Variants in B4GALNT3 observed in about 807,000 individuals in gnomAD.
The protein encoded by B4GALNT3 is beta-1,4-N-acetyl-galactosaminyltransferase 3, also known as beta-1,4-N-acetylgalactosaminyltransferase 3.
A neutral mutation model predicts 120.2 loss-of-function variants in B4GALNT3; 86 were observed. The ratio of observed to expected loss-of-function variants is 0.72; its 90% CI spans 0.60 to 0.86. The LOEUF (loss-of-function observed/expected upper bound fraction) is 0.86, where lower values mean the gene tolerates loss of function less well. B4GALNT3 is among the 40% of genes least tolerant of loss of function. The pLI is 0.00. For synonymous variants in B4GALNT3, 518 were observed against 510.4 expected, an observed-to-expected ratio of 1.01 and a Z score of -0.20; for missense variants, 1,167 against 1,298.9, an observed-to-expected ratio of 0.90 and a Z score of 1.56.
At chr12:497,637 G>T (rs146612188) in intron 1 of B4GALNT3, among the ~76,000 whole-genome samples, 13 of 152,260 alleles carry the variant, frequency 8.5e-5, no homozygotes, top group African/African-American at 3.1e-4. Flanking sequence ...ACCCAGGAGC[G>T]GAATTCCTGG....
At chr12:477,354 T>C (rs1009658894) in intron 1 of B4GALNT3, among the ~76,000 whole-genome samples, 1 of 152,334 alleles carries the variant, frequency 6.6e-6, no homozygotes. Flanking sequence ...GCTGAAGTTA[T>C]TGCCACTCAG....
intron 3 of B4GALNT3, among the ~76,000 whole-genome samples, chr12:541,313 G>A (rs1946912847): frequency 6.6e-6 from 1 of 152,222 alleles, no homozygotes; most frequent in African/African-American, 2.4e-5. Flanking sequence ...CCCTTAAAAT[G>A]AGAGGGTTCC....
intron 1 of B4GALNT3, among the ~76,000 whole-genome samples, chr12:492,614 A>G (rs1484924215): frequency 6.6e-6 from 1 of 152,218 alleles, no homozygotes; most frequent in Non-Finnish European, 1.5e-5. Context: ...TGGCAAACTG[A>G]TTCTAAAATT....
chr12:481,202 T>C (rs1946239081), intron 1 of B4GALNT3, among the ~76,000 whole-genome samples: 1 of 152,198 alleles, frequency 6.6e-6, no homozygotes, highest in Non-Finnish European at 1.5e-5. Flanking sequence ...GGTGGGACTC[T>C]GGATGCTTCC....
At chr12:478,467 G>T (rs1946206042) in intron 1 of B4GALNT3, among the ~76,000 whole-genome samples, 1 of 152,118 alleles carries the variant, frequency 6.6e-6, no homozygotes, top group South Asian at 2.1e-4. Flanking sequence ...TGAAGCAAGA[G>T]CTATCAAATT....
intron 1 of B4GALNT3, among the ~76,000 whole-genome samples, chr12:488,771 G>A (rs1946313867): frequency 6.6e-6 from 1 of 152,030 alleles, no homozygotes; most frequent in Admixed American, 6.6e-5. Flanking sequence ...AGTGAGCTAT[G>A]ATTGCACCTC....
chr12:546,712 A>AG lies in B4GALNT3; in HGVS notation c.707+1dup. The AG allele has an allele frequency of 6.4e-7, 1 of 1,551,130 alleles. No homozygotes were observed. Among genetic ancestry groups the AG allele is most frequent in the Non-Finnish European group, 8.7e-7 (1 of 1,146,754 alleles). ...TCGGAGCCAAATTTCCAAGCCGGTG[A>AG]GGTGAGTGAGGGTCAGGACAGGCGC... On this transcript the variant is annotated frameshift_variant and splice_region_variant, in exon 7 of 20. Coordinates refer to ENST00000266383, the MANE Select transcript of B4GALNT3 (RefSeq NM_173593.4). LOFTEE classifies it high-confidence loss of function.
chr12:511,301 C>CCTTCCCCCTTCTTCCACCTTCGAG (rs1946549887), intron 1 of B4GALNT3, among the ~76,000 whole-genome samples: 1 of 90,794 alleles, frequency 1.1e-5, no homozygotes, highest in Admixed American at 1.1e-4. Context: ...CGACCTTCCA[C>CCTTCCCCCTTCTTCCACCTTCGAG]CTTCCACCTT....
chr12:546,591 G>T (rs1316208521), intron 6 of B4GALNT3, 55 bp from the exon 7 acceptor site: 5 of 1,486,418 alleles, frequency 3.4e-6, no homozygotes, highest in Non-Finnish European at 4.6e-6. Context: ...TCACCGCCTC[G>T]CGTGCTTCCT....
At chr12:491,060 G>T (rs1946335529) in intron 1 of B4GALNT3, among the ~76,000 whole-genome samples, 1 of 152,088 alleles carries the variant, frequency 6.6e-6, no homozygotes, top group Admixed American at 6.5e-5. Flanking sequence ...ACCAGACCCA[G>T]ACAAAGACCT....
chr12:526,576 G>C (rs971774801), intron 1 of B4GALNT3, among the ~76,000 whole-genome samples: 1 of 152,170 alleles, frequency 6.6e-6, no homozygotes, highest in African/African-American at 2.4e-5. Flanking sequence ...ATTGTATCAA[G>C]GGTCTTAAGT....
intron 1 of B4GALNT3, among the ~76,000 whole-genome samples, chr12:496,026 G>A (rs1267338617): frequency 6.6e-6 from 1 of 152,118 alleles, no homozygotes; most frequent in African/African-American, 2.4e-5. Flanking sequence ...ACACTTTCTT[G>A]AGGGGTACAT....
intron 1 of B4GALNT3, among the ~76,000 whole-genome samples, chr12:480,162 G>A (rs894220369): frequency 6.0e-5 from 9 of 149,740 alleles, no homozygotes; most frequent in African/African-American, 1.7e-4. Flanking sequence ...TGATCCGCCC[G>A]CCTCGGCCTC....
chr12:524,648 AAAAAAAG>A (rs1272807054), intron 1 of B4GALNT3, among the ~76,000 whole-genome samples: 3 of 128,688 alleles, frequency 2.3e-5, no homozygotes, highest in Non-Finnish European at 4.7e-5. Context: ...TTAAAAAAAA[AAAAAAAG>A]AAAAAAGAAA....
At chr12:547,140 C>G (rs1439948717) in intron 7 of B4GALNT3, among the ~76,000 whole-genome samples, 1 of 144,436 alleles carries the variant, frequency 6.9e-6, no homozygotes, top group Non-Finnish European at 1.5e-5. Context: ...CGCGCGCTCA[C>G]GCAGGCGGGA....
rs1384643642 is a variant in B4GALNT3 at position 561,701 on chromosome 12, G to A, written c.*250G>A. The A allele has an allele frequency of 4.3e-6, 2 of 469,616 alleles. No homozygotes were observed. The highest frequency in any genetic ancestry group is 7.7e-6 in the Non-Finnish European group (2 of 259,578). The allele number at this position is 469,616 out of a possible 1,614,324, so 29.1% of individuals were successfully genotyped here. A position where few individuals can be genotyped will look rare whatever the true frequency, so the allele number is the denominator to read the frequency against. On this transcript the variant is annotated 3_prime_UTR_variant, in exon 20 of 20. Coordinates refer to ENST00000266383, the MANE Select transcript of B4GALNT3 (RefSeq NM_173593.4). ...CAGGAGGGACCACTTGCTCAGTCGAGAACGGGAAGAGCTCCTGAGAAGGAC... is the reference window on the plus strand; with the variant it reads ...CAGGAGGGACCACTTGCTCAGTCGAAAACGGGAAGAGCTCCTGAGAAGGAC...
intron 1 of B4GALNT3, among the ~76,000 whole-genome samples, chr12:522,740 G>A (rs1297999917): frequency 6.6e-6 from 1 of 151,802 alleles, no homozygotes; most frequent in Non-Finnish European, 1.5e-5. Flanking sequence ...TTCAAGACCA[G>A]CCTGGGCAAC....
At chr12:511,013 CTTTTTTTTTT>C (rs762032000) in intron 1 of B4GALNT3, among the ~76,000 whole-genome samples, 48 of 43,868 alleles carry the variant, frequency 1.1e-3, no homozygotes, top group Middle Eastern at 0.018. Context: ...TTTGCCTATT[CTTTTTTTTTT>C]TTTTTTTTTT....
intron 1 of B4GALNT3, among the ~76,000 whole-genome samples, chr12:505,343 C>T (rs535828201): frequency 1.3e-5 from 2 of 152,306 alleles, no homozygotes; most frequent in African/African-American, 2.4e-5. Flanking sequence ...GACCACCAGG[C>T]CAACCTCGCC....
Sources: allele counts gnomAD v4.1 joint callset (sites outside exome capture counted in the v4.1 genomes callset), GRCh38; gene constraint gnomAD v4.1.1; transcripts MANE v1.5; gene names NCBI Gene and HGNC (gene_info 2026-07-23, HGNC 2026-07-21).